NCKAP5: variants seen among roughly 807,000 people sequenced by gnomAD.
NCKAP5 encodes nck-associated protein 5.
NCKAP5 carries 92 observed loss-of-function variants against 167.0 expected under a neutral mutation model. That is an observed-to-expected ratio of 0.55 (90% confidence interval 0.47 to 0.66). NCKAP5 has a LOEUF of 0.66. NCKAP5 is among the 30% of genes least tolerant of loss of function. The probability of loss-of-function intolerance (pLI) is 0.00; values close to 1 mark genes in which losing one functional copy is unlikely to be tolerated. For missense variants in NCKAP5, 2,378 were observed against 2,315.0 expected (o/e 1.03, Z -0.56); for synonymous variants, 891 against 877.4 (o/e 1.02, Z -0.27).
chr2:132,729,552 A>C (rs1463901904), intron 17 of NCKAP5, among the ~76,000 whole-genome samples: 1 of 152,192 alleles, frequency 6.6e-6, no homozygotes, highest in Non-Finnish European at 1.5e-5. Flanking sequence ...GTTCATGTGC[A>C]TGCTGATTCA....
At chr2:133,200,017 C>G (rs1463861638) in intron 5 of NCKAP5, among the ~76,000 whole-genome samples, 1 of 145,862 alleles carries the variant, frequency 6.9e-6, no homozygotes, top group Non-Finnish European at 1.5e-5. Context: ...TTGATCCATT[C>G]AATGCAATTC....
chr2:133,142,584 T>A (rs113735819), intron 5 of NCKAP5, among the ~76,000 whole-genome samples: 1 of 152,150 alleles, frequency 6.6e-6, no homozygotes, highest in East Asian at 1.9e-4. Flanking sequence ...CTGGAAGGCT[T>A]TGTCAGACTT....
At chr2:133,511,552 C>G (rs547435297) in intron 3 of NCKAP5, among the ~76,000 whole-genome samples, 1 of 152,210 alleles carries the variant, frequency 6.6e-6, no homozygotes, top group Non-Finnish European at 1.5e-5. Flanking sequence ...AATATTTCAG[C>G]GTGACATTTT....
intron 16 of NCKAP5, among the ~76,000 whole-genome samples, chr2:132,747,002 G>A (rs1257410033): frequency 1.3e-5 from 2 of 152,112 alleles, no homozygotes; most frequent in African/African-American, 4.8e-5. Flanking sequence ...AGGCGTGAAG[G>A]AGTATTTTGG....
intron 5 of NCKAP5, among the ~76,000 whole-genome samples, chr2:133,156,442 G>T (rs187413559): frequency 1.3e-5 from 2 of 152,074 alleles, no homozygotes; most frequent in East Asian, 1.9e-4. Context: ...GGCATCTCCA[G>T]GTAGCCCAAA....
At chr2:133,362,820 C>T (rs180699516) in intron 3 of NCKAP5, among the ~76,000 whole-genome samples, 2 of 152,298 alleles carry the variant, frequency 1.3e-5, no homozygotes, top group Admixed American at 6.5e-5. Context: ...GTGGCGTGAT[C>T]TCAGCTCACT....
chr2:133,373,537 TTA>T (rs1685942281), intron 3 of NCKAP5, among the ~76,000 whole-genome samples: 1 of 152,188 alleles, frequency 6.6e-6, no homozygotes, highest in South Asian at 2.1e-4. Context: ...TCCCAGCAAG[TTA>T]TTTTGTGCAT....
At chr2:133,011,175 G>A (rs948837977) in intron 6 of NCKAP5, among the ~76,000 whole-genome samples, 4 of 152,148 alleles carry the variant, frequency 2.6e-5, no homozygotes, top group Non-Finnish European at 5.9e-5. Flanking sequence ...GCTGTGCTGC[G>A]GGATTTTTAG....
At chr2:133,294,407 G>A (rs1679812921) in intron 4 of NCKAP5, among the ~76,000 whole-genome samples, 1 of 152,172 alleles carries the variant, frequency 6.6e-6, no homozygotes, top group East Asian at 1.9e-4. Context: ...ATCTTCAAGA[G>A]GCTCTGGGCC....
intron 5 of NCKAP5, among the ~76,000 whole-genome samples, chr2:133,149,089 C>G (rs943383571): frequency 6.6e-6 from 1 of 152,064 alleles, no homozygotes; most frequent in Non-Finnish European, 1.5e-5. Context: ...ATCTAAGAAA[C>G]TGTTCATCTC....
At chr2:133,640,553 T>C in the NCKAP5 span, among the ~76,000 whole-genome samples, 1 of 152,204 alleles carries the variant, frequency 6.6e-6, no homozygotes, top group African/African-American at 2.4e-5. Context: ...AAATAATGTA[T>C]TCACTTTGCT....
At chr2:133,389,991 C>T (rs1254424645) in intron 3 of NCKAP5, among the ~76,000 whole-genome samples, 1 of 152,186 alleles carries the variant, frequency 6.6e-6, no homozygotes, top group African/African-American at 2.4e-5. Flanking sequence ...AGAAGTGAAG[C>T]ATCCCGATTG....
chr2:133,250,846 C>T (rs1312391667), intron 4 of NCKAP5, among the ~76,000 whole-genome samples: 1 of 152,104 alleles, frequency 6.6e-6, no homozygotes, highest in Admixed American at 6.5e-5. Context: ...AGCAAGATGG[C>T]TTGAGCCCAG....
At chr2:133,423,338 T>C (rs1390121610) in intron 3 of NCKAP5, among the ~76,000 whole-genome samples, 1 of 152,150 alleles carries the variant, frequency 6.6e-6, no homozygotes, top group East Asian at 1.9e-4. Flanking sequence ...GACCTCTCCT[T>C]CACATCCTGG....
chr2:132,683,177 CATA>C (rs1685469948), intron 19 of NCKAP5, among the ~76,000 whole-genome samples: 1 of 152,018 alleles, frequency 6.6e-6, no homozygotes, highest in African/African-American at 2.4e-5. Context: ...AACCACCGCA[CATA>C]AAGATAGTCT....
intron 3 of NCKAP5, among the ~76,000 whole-genome samples, chr2:133,367,990 T>C (rs1207207544): frequency 1.3e-5 from 2 of 152,072 alleles, no homozygotes; most frequent in Non-Finnish European, 2.9e-5. Context: ...CCCAGCCAGA[T>C]GCCCCCCAGA....
At chr2:133,289,735 A>G (rs1225478508) in intron 4 of NCKAP5, among the ~76,000 whole-genome samples, 1 of 151,370 alleles carries the variant, frequency 6.6e-6, no homozygotes, top group Non-Finnish European at 1.5e-5. Context: ...ACAAAAAAAA[A>G]CAGCACAACT....
At chr2:133,465,168 C>T (rs948276623) in intron 3 of NCKAP5, among the ~76,000 whole-genome samples, 1 of 113,080 alleles carries the variant, frequency 8.8e-6, no homozygotes, top group African/African-American at 3.3e-5. Flanking sequence ...CTCCCCCCAC[C>T]CCACAACAGT....
rs184905890 is a variant in NCKAP5 at position 132,712,379 on chromosome 2, G to T, written c.5713+13248C>A. Among the ~76,000 whole-genome samples the T allele has an allele frequency of 7.0e-3, 1,066 of 152,226 alleles. 12 individuals are homozygous for T. Among genetic ancestry groups the T allele is most frequent in the African/African-American group, 0.022 (918 of 41,532 alleles). On this transcript the variant is annotated intron_variant, in intron 19 of 19. Transcript: ENST00000409261. ...ACTATGTTGGGATTCAGGCCTGGCG[G>T]GGTGGCTCACTCCTGTAATCCCAGC...
Sources: allele counts gnomAD v4.1 joint callset (sites outside exome capture counted in the v4.1 genomes callset), GRCh38; gene constraint gnomAD v4.1.1; transcripts MANE v1.5; gene names NCBI Gene and HGNC (gene_info 2026-07-23, HGNC 2026-07-21).